NEK11: variants seen among roughly 807,000 people sequenced by gnomAD.
NEK11 encodes the protein serine/threonine-protein kinase Nek11.
Under a neutral mutation model 80.7 loss-of-function variants are expected in NEK11, and 72 were observed. The observed-to-expected ratio is 0.89, with a 90% CI of 0.74 to 1.08. The LOEUF is 1.08. Ranked by LOEUF, NEK11 falls within the 50% of genes least tolerant of loss-of-function variation. The pLI is 0.00. For synonymous variants in NEK11, 251 were observed against 260.7 expected, an observed-to-expected ratio of 0.96 and a Z score of 0.36; for missense variants, 764 against 763.6, an observed-to-expected ratio of 1.00 and a Z score of -0.01.
chr3:131,061,528 G>A (rs1333495765), intron 3 of NEK11, among the ~76,000 whole-genome samples: 3 of 151,862 alleles, frequency 2.0e-5, no homozygotes, highest in Non-Finnish European at 4.4e-5. Context: ...CTCTTCTCAA[G>A]GACAGTGTGT....
At chr3:131,124,087 C>T (rs1350229931) in intron 5 of NEK11, among the ~76,000 whole-genome samples, 12 of 152,222 alleles carry the variant, frequency 7.9e-5, no homozygotes, top group Admixed American at 2.6e-4. Context: ...CCACGTATCC[C>T]GCCTTCACAC....
chr3:131,228,448 C>T lies in NEK11; in HGVS notation c.1400-80C>T, dbSNP rs2095257948. The T allele has an allele frequency of 2.4e-6, 3 of 1,255,406 alleles. No individual in the cohort carries two copies. In the African/African-American group the frequency reaches 4.5e-5, roughly 19 times the overall value. The allele number at this position is 1,255,406 out of a possible 1,614,324, so 77.8% of individuals were successfully genotyped here. ...TTGTCAACGCAAGCAAAATATACAT[C>T]CCTGTGAAAAGATACAGTATTCTTA... On this transcript the variant is annotated intron_variant, in intron 14 of 17. Coordinates refer to ENST00000383366, the MANE Select transcript of NEK11 (RefSeq NM_024800.5).
At chr3:131,030,960 T>G (rs1416005140) in intron 3 of NEK11, among the ~76,000 whole-genome samples, 1 of 152,222 alleles carries the variant, frequency 6.6e-6, no homozygotes, top group Admixed American at 6.5e-5. Flanking sequence ...ATATCAGCCC[T>G]TAACCCCAGA....
rs959547510 is a variant in NEK11 at position 131,345,969 on chromosome 3, T to TA, written c.1719-3577dup. 1.3e-3 allele frequency among the ~76,000 whole-genome samples: 191 copies of TA among 144,000 alleles called. 1 individual carries two copies. Among genetic ancestry groups the TA allele is most frequent in the South Asian group, 8.5e-3 (39 of 4,574 alleles). The allele number at this position is 144,000 out of a possible 152,430, so 94.5% of individuals were successfully genotyped here. ...TGACCTCAATTATATATGGAATATT[T>TA]AAAAAAAAAAAGAGCTCAAGTACAC... On this transcript the variant is annotated intron_variant, in intron 17 of 17. Coordinates refer to ENST00000383366, the MANE Select transcript of NEK11 (RefSeq NM_024800.5).
At chr3:131,204,878 G>T (rs2094396499) in intron 14 of NEK11, among the ~76,000 whole-genome samples, 2 of 152,150 alleles carry the variant, frequency 1.3e-5, no homozygotes, top group African/African-American at 4.8e-5. Flanking sequence ...AGAATCAGAA[G>T]CAGAATATTG....
At chr3:131,310,014 A>C (rs1356195159) in intron 17 of NEK11, among the ~76,000 whole-genome samples, 5 of 147,166 alleles carry the variant, frequency 3.4e-5, no homozygotes, top group Non-Finnish European at 6.0e-5. Context: ...AAAAAAAAAA[A>C]AAAAAAAAAC....
intron 3 of NEK11, among the ~76,000 whole-genome samples, chr3:131,060,493 C>T (rs1394343586): frequency 1.3e-5 from 2 of 152,198 alleles, no homozygotes; most frequent in East Asian, 3.8e-4. Context: ...ATTCACTCTA[C>T]TTACTTTCCC....
intron 3 of NEK11, among the ~76,000 whole-genome samples, chr3:131,051,346 T>C (rs934205837): frequency 6.6e-6 from 1 of 152,192 alleles, no homozygotes; most frequent in Admixed American, 6.5e-5. Context: ...TTCTCCGTAG[T>C]TACTTCCAAA....
At chr3:131,191,956 G>A (rs2093813338) in intron 14 of NEK11, among the ~76,000 whole-genome samples, 1 of 152,104 alleles carries the variant, frequency 6.6e-6, no homozygotes. Flanking sequence ...TCATCAAAAT[G>A]AGAAATTTTT....
At chr3:131,136,899 G>T (rs1412849661) in intron 7 of NEK11, among the ~76,000 whole-genome samples, 1 of 152,152 alleles carries the variant, frequency 6.6e-6, no homozygotes, top group Non-Finnish European at 1.5e-5. Flanking sequence ...TGTTATTTTG[G>T]TAGGAGAAAC....
In NEK11 at chr3:131,035,435, C is replaced by G. The variant is rs116023308; in HGVS notation, c.170+5557C>G. ...TGTAAAGCTCTCCATACTCCAGTTT[C>G]TACTTATAGAAATCTCAGACGTCCA... On this transcript the variant is annotated intron_variant, in intron 3 of 17. Transcript: ENST00000383366. Among the ~76,000 whole-genome samples the G allele has an allele frequency of 5.0e-3, 758 of 152,300 alleles. 11 individuals carry two copies. Among genetic ancestry groups the G allele is most frequent in the African/African-American group, 0.017 (720 of 41,546 alleles).
chr3:131,096,101 G>A (rs989817199), intron 4 of NEK11, among the ~76,000 whole-genome samples: 1 of 152,076 alleles, frequency 6.6e-6, no homozygotes, highest in Non-Finnish European at 1.5e-5. Context: ...GGGTACATCT[G>A]TAGGTTTGTT....
intron 5 of NEK11, among the ~76,000 whole-genome samples, chr3:131,125,120 A>G (rs1298483568): frequency 6.6e-6 from 1 of 152,210 alleles, no homozygotes; most frequent in African/African-American, 2.4e-5. Flanking sequence ...GAGGCTAAAG[A>G]TTATTTGAAT....
chr3:131,233,728 A>G (rs2095378660), intron 15 of NEK11, among the ~76,000 whole-genome samples: 1 of 152,190 alleles, frequency 6.6e-6, no homozygotes, highest in African/African-American at 2.4e-5. Flanking sequence ...TTATTGTTGT[A>G]GACTTCCAGT....
rs563561971 is a variant in NEK11, at chr3:131,124,848, T to G, written c.456-7897T>G. On this transcript the variant is annotated intron_variant, in intron 5 of 17. Transcript: ENST00000383366. ...AGACCTATGTGAGAATAGTGGTTTA[T>G]AGAGTCAAAGAGACCTCAGTTTGAA... Among the ~76,000 whole-genome samples the G allele has an allele frequency of 2.1e-4, 32 of 152,310 alleles. No homozygotes were observed. The South Asian group carries it at 3.7e-3, about 18-fold the overall frequency.
chr3:131,220,236 GACTTT>G (rs1171770606), intron 14 of NEK11, among the ~76,000 whole-genome samples: 1 of 152,028 alleles, frequency 6.6e-6, no homozygotes, highest in Non-Finnish European at 1.5e-5. Context: ...TCAAAGTATT[GACTTT>G]TACCTTATGT....
At chr3:131,044,154 G>A (rs998148848) in intron 3 of NEK11, among the ~76,000 whole-genome samples, 7 of 152,060 alleles carry the variant, frequency 4.6e-5, no homozygotes, top group African/African-American at 1.7e-4. Flanking sequence ...AAACCAAAAT[G>A]TAAAGACCAT....
intron 16 of NEK11, among the ~76,000 whole-genome samples, chr3:131,262,884 A>G (rs893585179): frequency 2.0e-5 from 3 of 150,436 alleles, no homozygotes; most frequent in Non-Finnish European, 4.4e-5. Context: ...TCATTGTTCA[A>G]CTCTCACTTA....
chr3:131,135,627 G>A (rs865949767), intron 7 of NEK11, among the ~76,000 whole-genome samples: 1 of 151,874 alleles, frequency 6.6e-6, no homozygotes, highest in East Asian at 1.9e-4. Flanking sequence ...GCTTCAGATC[G>A]AATTTCAATT....
Sources: gnomAD v4.1 joint callset for allele counts (sites outside exome capture counted in the v4.1 genomes callset) on GRCh38, gnomAD v4.1.1 for gene constraint, MANE v1.5 for transcripts, NCBI Gene and HGNC (gene_info 2026-07-23, HGNC 2026-07-21) for gene names.